Variants in RAPGEF5 observed in about 807,000 individuals in gnomAD.
RAPGEF5 encodes Rap guanine nucleotide exchange factor 5.
In RAPGEF5, 65 loss-of-function variants were observed where a neutral mutation model predicts 125.2. The ratio of observed to expected loss-of-function variants is 0.52; its 90% CI spans 0.43 to 0.64. The LOEUF (loss-of-function observed/expected upper bound fraction) is 0.64. RAPGEF5 is among the 30% of genes least tolerant of loss of function. The pLI is 0.00. For missense variants in RAPGEF5, 958 were observed against 1,048.1 expected (o/e 0.91, Z 1.19); for synonymous variants, 391 against 385.9 (o/e 1.01, Z -0.16).
rs1784038297 is a variant in RAPGEF5, at chr7:22,162,534, C to A, written c.1291G>T (p.Ala431Ser). ...LCQALLRHYSAKKYQGKEENS... is the reference protein window; with the variant it reads ...LCQALLRHYSSKKYQGKEENS... ...TCCTCTTTGCCTTGATACTTCTTAGCAGAATAGGTGCAAATGGTTAAGAAA... is the reference window on the plus strand; with the variant it reads ...TCCTCTTTGCCTTGATACTTCTTAGAAGAATAGGTGCAAATGGTTAAGAAA... Residue 431 changes from alanine to serine, a missense_variant, in exon 13 of 26, where the codon GCT (alanine) becomes TCT (serine). By Grantham distance (99) the Ala-to-Ser change is moderately conservative (BLOSUM62 1). Transcript: ENST00000665637. The A allele has an allele frequency of 6.2e-7, 1 of 1,608,136 alleles. No individual in the cohort carries two copies. The highest frequency in any genetic ancestry group is 1.1e-5 in the South Asian group (1 of 90,838).
At chr7:22,271,707 C>T (rs1462638446) in intron 6 of RAPGEF5, among the ~76,000 whole-genome samples, 4 of 152,180 alleles carry the variant, frequency 2.6e-5, no homozygotes, top group African/African-American at 9.7e-5. Context: ...TTCCCTCTCC[C>T]CTAGTTACCC....
rs558812384 is a variant in RAPGEF5 at position 22,143,159 on chromosome 7, G to C, written c.2186+1885C>G. On this transcript the variant is annotated intron_variant, in intron 20 of 25. Transcript: ENST00000665637. ...TTACCCAAAAGAGCCTCACCTTTAG[G>C]AATTTTACAAGCCATTTTGGAACAC... 1.4e-3 allele frequency among the ~76,000 whole-genome samples: 218 copies of C among 152,110 alleles called. 1 individual carries two copies. Among genetic ancestry groups the C allele is most frequent in the African/African-American group, 4.5e-3 (188 of 41,486 alleles).
intron 12 of RAPGEF5, among the ~76,000 whole-genome samples, chr7:22,165,304 A>G (rs1784128140): frequency 6.6e-6 from 1 of 152,220 alleles, no homozygotes; most frequent in Non-Finnish European, 1.5e-5. Context: ...TAATATTAGG[A>G]TCATAGTTAA....
At chr7:22,153,386 C>T (rs897881602) in intron 17 of RAPGEF5, among the ~76,000 whole-genome samples, 2 of 152,108 alleles carry the variant, frequency 1.3e-5, no homozygotes, top group Non-Finnish European at 2.9e-5. Context: ...GATTAAAAGT[C>T]ATTTAGGCCA....
At chr7:22,211,218 A>G (rs1785500505) in intron 9 of RAPGEF5, among the ~76,000 whole-genome samples, 1 of 152,236 alleles carries the variant, frequency 6.6e-6, no homozygotes, top group South Asian at 2.1e-4. Context: ...TGCATCCTAC[A>G]TGGACATCTT....
rs534737333 is a variant in RAPGEF5 at position 22,161,533 on chromosome 7, T to A, written c.1428+864A>T. Among the ~76,000 whole-genome samples, 77 of 103,340 alleles carry A rather than the reference T, an allele frequency of 7.5e-4. 1 individual carries two copies. Among genetic ancestry groups the A allele is most frequent in the African/African-American group, 2.7e-3 (73 of 27,442 alleles). The allele number at this position is 103,340 out of a possible 152,430, so 67.8% of individuals were successfully genotyped here. On this transcript the variant is annotated intron_variant, in intron 13 of 25. Coordinates refer to ENST00000665637, the MANE Select transcript of RAPGEF5 (RefSeq NM_012294.5). ...GCCTGGGTAGCAGAGCAAGACCCTG[T>A]CTCAACACACACACACACACACACA...
intron 17 of RAPGEF5, among the ~76,000 whole-genome samples, chr7:22,154,100 C>T (rs1783720454): frequency 6.6e-6 from 1 of 151,864 alleles, no homozygotes; most frequent in African/African-American, 2.4e-5. Context: ...TCAAGGCCAT[C>T]TTTCCTTTTT....
At chr7:22,303,645 T>C (rs1265821293) in intron 5 of RAPGEF5, among the ~76,000 whole-genome samples, 1 of 152,070 alleles carries the variant, frequency 6.6e-6, no homozygotes, top group African/African-American at 2.4e-5. Context: ...AAAAGGTTAT[T>C]AAAAGGAACA....
intron 1 of RAPGEF5, among the ~76,000 whole-genome samples, chr7:22,347,762 G>A (rs372229416): frequency 1.6e-4 from 24 of 152,216 alleles, no homozygotes; most frequent in East Asian, 7.7e-4. Context: ...GACCATCTGC[G>A]ACATAAGATT....
chr7:22,336,672 T>C (rs2128158823), intron 1 of RAPGEF5, among the ~76,000 whole-genome samples: 1 of 152,174 alleles, frequency 6.6e-6, no homozygotes, highest in East Asian at 1.9e-4. Context: ...TTCGTGCCAT[T>C]TGCAGTGGGG....
chr7:22,136,024 T>C lies in RAPGEF5; in HGVS notation c.2416+14A>G, dbSNP rs953956522. On this transcript the variant is annotated intron_variant, in intron 23 of 25. Transcript: ENST00000665637. ...ATATGAAATTACATGGCATAAAAGA[T>C]AGAAAATCATTACCTTTAAGCAATA... 12 of 1,563,396 alleles carry C rather than the reference T, an allele frequency of 7.7e-6. No homozygotes were observed. Among genetic ancestry groups the C allele is most frequent in the Non-Finnish European group, 1.0e-5 (12 of 1,144,342 alleles).
At chr7:22,258,548 G>A (rs1168214993) in intron 7 of RAPGEF5, among the ~76,000 whole-genome samples, 3 of 150,140 alleles carry the variant, frequency 2.0e-5, no homozygotes, top group South Asian at 4.2e-4. Context: ...CACTTGAACC[G>A]GGGAGGCAGA....
chr7:22,128,791 C>A (rs541239935), intron 24 of RAPGEF5, among the ~76,000 whole-genome samples: 1 of 152,318 alleles, frequency 6.6e-6, no homozygotes, highest in African/African-American at 2.4e-5. Context: ...GCCTGCCTGA[C>A]GGGCTTGCGT....
intron 14 of RAPGEF5, among the ~76,000 whole-genome samples, chr7:22,159,725 G>A (rs1180422043): frequency 6.6e-6 from 1 of 152,192 alleles, no homozygotes; most frequent in Non-Finnish European, 1.5e-5. Flanking sequence ...GGGACACTTA[G>A]ACATGCCAAG....
chr7:22,346,385 G>A (rs919066187), intron 1 of RAPGEF5, among the ~76,000 whole-genome samples: 14 of 152,038 alleles, frequency 9.2e-5, no homozygotes, highest in African/African-American at 2.9e-4. Flanking sequence ...TCTTCTCAAC[G>A]TAAAAAAAAT....
chr7:22,274,631 G>T (rs1782514616), intron 6 of RAPGEF5, among the ~76,000 whole-genome samples: 1 of 152,146 alleles, frequency 6.6e-6, no homozygotes. Flanking sequence ...AACCTAGACT[G>T]AAGTCACTTT....
At chr7:22,187,804 C>G (rs1262649923) in intron 11 of RAPGEF5, among the ~76,000 whole-genome samples, 1 of 152,186 alleles carries the variant, frequency 6.6e-6, no homozygotes, top group Non-Finnish European at 1.5e-5. Flanking sequence ...ATATCTATAA[C>G]CAATAGAAAC....
chr7:22,140,161 T>TC, intron 20 of RAPGEF5, 46 bp from the exon 21 acceptor site: 1 of 1,486,894 alleles, frequency 6.7e-7, no homozygotes, highest in Non-Finnish European at 9.2e-7. Flanking sequence ...AAACATTCTT[T>TC]CCCCAGATAA....
At chr7:22,200,511 T>C (rs1785252559) in intron 9 of RAPGEF5, among the ~76,000 whole-genome samples, 2 of 152,250 alleles carry the variant, frequency 1.3e-5, no homozygotes, top group South Asian at 2.1e-4. Flanking sequence ...GTTCTTTCCT[T>C]TTTTTAATCC....
Sources: gnomAD v4.1 joint callset for allele counts (sites outside exome capture counted in the v4.1 genomes callset) on GRCh38, gnomAD v4.1.1 for gene constraint, MANE v1.5 for transcripts, NCBI Gene and HGNC (gene_info 2026-07-23, HGNC 2026-07-21) for gene names.